Variants in PRKAG2 observed in about 807,000 individuals in gnomAD.
PRKAG2 encodes protein kinase AMP-activated non-catalytic subunit gamma 2, also known as 5'-AMP-activated protein kinase subunit gamma-2.
Under a neutral mutation model 69.6 loss-of-function variants are expected in PRKAG2, and 26 were observed. The observed-to-expected ratio is 0.37, with a 90% CI of 0.27 to 0.52. The LOEUF (loss-of-function observed/expected upper bound fraction) is 0.52. Ranked by LOEUF, PRKAG2 falls within the 20% of genes least tolerant of loss-of-function variation. PRKAG2 has a pLI of 0.90. For synonymous variants in PRKAG2, 293 were observed against 285.0 expected (o/e 1.03, Z -0.28); for missense variants, 557 against 740.0 (o/e 0.75, Z 2.87).
chr7:151,684,978 C>T (rs1022809964), intron 3 of PRKAG2, among the ~76,000 whole-genome samples: 4 of 152,152 alleles, frequency 2.6e-5, no homozygotes, highest in African/African-American at 4.8e-5. Flanking sequence ...CATTGAACAG[C>T]GCCTGGACCA....
intron 3 of PRKAG2, among the ~76,000 whole-genome samples, chr7:151,710,331 G>A (rs959597746): frequency 1.3e-5 from 2 of 152,084 alleles, no homozygotes; most frequent in South Asian, 2.1e-4. Context: ...CCGAGGCTTC[G>A]CTCTCGCCCC....
chr7:151,870,156 G>GATAGATAGATAGA (rs1554621410), intron 1 of PRKAG2, among the ~76,000 whole-genome samples: 1 of 120,108 alleles, frequency 8.3e-6, no homozygotes, highest in Non-Finnish European at 1.8e-5. Context: ...TAGATAGATA[G>GATAGATAGATAGA]GCAGGCAGGC....
At chr7:151,731,522 CTG>C (rs113764475) in intron 3 of PRKAG2, among the ~76,000 whole-genome samples, 1 of 107,674 alleles carries the variant, frequency 9.3e-6, no homozygotes, top group African/African-American at 2.9e-5. Flanking sequence ...GGGGAGAGCT[CTG>C]TGTGTGTGTG....
At chr7:151,865,791 G>A (rs970256962) in intron 1 of PRKAG2, among the ~76,000 whole-genome samples, 4 of 152,160 alleles carry the variant, frequency 2.6e-5, no homozygotes, top group Non-Finnish European at 4.4e-5. Flanking sequence ...AGGCCAAGGC[G>A]GGCGGATCAT....
intron 6 of PRKAG2, among the ~76,000 whole-genome samples, chr7:151,589,754 T>A (rs1319710716): frequency 1.3e-5 from 2 of 152,004 alleles, no homozygotes; most frequent in Admixed American, 6.6e-5. Flanking sequence ...GCCAACAAAG[T>A]GAAACCCCAT....
At chr7:151,600,623 T>C (rs1263911718) in intron 5 of PRKAG2, among the ~76,000 whole-genome samples, 1 of 152,236 alleles carries the variant, frequency 6.6e-6, no homozygotes, top group Non-Finnish European at 1.5e-5. Flanking sequence ...GTCTCATTCA[T>C]GCATCTCCAC....
chr7:151,630,218 G>A (rs1585351022), intron 5 of PRKAG2, among the ~76,000 whole-genome samples: 1 of 151,708 alleles, frequency 6.6e-6, no homozygotes, highest in Admixed American at 6.6e-5. Flanking sequence ...TACATTGGCA[G>A]ACACAATGAA....
At position 151,704,803 on chromosome 7, in the gene PRKAG2, A is replaced by G. The variant is rs771050064; in HGVS notation, c.467-29166T>C. Among the ~76,000 whole-genome samples, 109 of 152,272 alleles carry G rather than the reference A, an allele frequency of 7.2e-4. 1 individual carries two copies. The highest frequency in any genetic ancestry group is 5.6e-4 in the Non-Finnish European group (38 of 68,030). On this transcript the variant is annotated intron_variant, in intron 3 of 15. Coordinates refer to ENST00000287878, the MANE Select transcript of PRKAG2 (RefSeq NM_016203.4). ...TGCCTCCCGGGGCGCCACGGCTTGGAGAAAGAGAGTGAGTATTGCCAAGGG... is the reference window on the plus strand; with the variant it reads ...TGCCTCCCGGGGCGCCACGGCTTGGGGAAAGAGAGTGAGTATTGCCAAGGG...
chr7:151,815,299 C>T (rs954108778), intron 1 of PRKAG2, among the ~76,000 whole-genome samples: 1 of 152,192 alleles, frequency 6.6e-6, no homozygotes, highest in Admixed American at 6.5e-5. Flanking sequence ...CACCTGGGGC[C>T]TTGCTGATCC....
chr7:151,565,230 A>G (rs1462146326), intron 13 of PRKAG2, 116 bp downstream of exon 13: 2 of 876,704 alleles, frequency 2.3e-6, no homozygotes, highest in Admixed American at 3.7e-5. Context: ...ATATCCTCAC[A>G]CCCCAAAAGG....
chr7:151,847,503 A>G (rs1405758968), intron 1 of PRKAG2, among the ~76,000 whole-genome samples: 1 of 152,082 alleles, frequency 6.6e-6, no homozygotes, highest in Non-Finnish European at 1.5e-5. Context: ...TCCTTCCCAC[A>G]GGACATCGAC....
chr7:151,672,446 T>A (rs1832213201), intron 4 of PRKAG2, among the ~76,000 whole-genome samples: 1 of 152,186 alleles, frequency 6.6e-6, no homozygotes, highest in African/African-American at 2.4e-5. Context: ...AGTACATTCA[T>A]ACTGTTGTTC....
intron 3 of PRKAG2, among the ~76,000 whole-genome samples, chr7:151,752,194 A>G (rs911311765): frequency 5.9e-5 from 9 of 152,242 alleles, no homozygotes; most frequent in African/African-American, 1.2e-4. Flanking sequence ...AATGTAGTAC[A>G]TATGTGCTGC....
intron 5 of PRKAG2, among the ~76,000 whole-genome samples, chr7:151,604,454 T>C (rs927746659): frequency 9.2e-5 from 14 of 151,858 alleles, no homozygotes; most frequent in Admixed American, 9.2e-4. Context: ...CTGGGCAACA[T>C]AGTGAGATCC....
At chr7:151,689,357 G>T (rs866539043) in intron 3 of PRKAG2, among the ~76,000 whole-genome samples, 1 of 152,308 alleles carries the variant, frequency 6.6e-6, no homozygotes, top group Middle Eastern at 3.4e-3. Context: ...AGGGCTGTGG[G>T]TGATGCAGGG....
intron 4 of PRKAG2, among the ~76,000 whole-genome samples, chr7:151,634,794 G>A (rs963570448): frequency 8.6e-5 from 13 of 151,948 alleles, no homozygotes; most frequent in African/African-American, 2.4e-4. Context: ...ATATAAATGC[G>A]AATTAAAACC....
Position 151,814,202 on chromosome 7 carries a change from G to A in PRKAG2, c.115-27661C>T, listed in dbSNP as rs778055348. ...CTTTAAATCACCAAGAAAAAGTTAT[G>A]TAAGGAGAAAACATACAGCTTCCGT... On this transcript the variant is annotated intron_variant, in intron 1 of 15. Coordinates refer to ENST00000287878, the MANE Select transcript of PRKAG2 (RefSeq NM_016203.4). This position sits in a 1 kb window ranked among gnomAD's most constrained non-coding sequence, Gnocchi z 4.8. 1.3e-5 allele frequency among the ~76,000 whole-genome samples: 2 copies of A among 152,162 alleles called. No individual in the cohort carries two copies. The highest frequency in any genetic ancestry group is 2.9e-5 in the Non-Finnish European group (2 of 68,042).
At chr7:151,854,044 T>C (rs1364541392) in intron 1 of PRKAG2, among the ~76,000 whole-genome samples, 1 of 152,150 alleles carries the variant, frequency 6.6e-6, no homozygotes, top group Non-Finnish European at 1.5e-5. Flanking sequence ...AGCTGGGTCA[T>C]TCACCAGCAG....
chr7:151,815,107 GT>G (rs954071897), intron 1 of PRKAG2, among the ~76,000 whole-genome samples: 12 of 152,140 alleles, frequency 7.9e-5, no homozygotes, highest in African/African-American at 2.4e-4. Context: ...GATTGTGGGG[GT>G]TTTTTTCCCC....
Sources: allele counts gnomAD v4.1 joint callset (sites outside exome capture counted in the v4.1 genomes callset), GRCh38; gene constraint gnomAD v4.1.1; non-coding constraint Gnocchi (gnomAD v3.1); transcripts MANE v1.5; gene names NCBI Gene and HGNC (gene_info 2026-07-23, HGNC 2026-07-21).